TANC2: variants seen among roughly 807,000 people sequenced by gnomAD.
TANC2 encodes the protein protein TANC2.
A neutral mutation model predicts 210.5 loss-of-function variants in TANC2; 26 were observed. That is an observed-to-expected ratio of 0.12 (90% CI 0.09 to 0.17). The LOEUF is 0.17. TANC2 is among the 10% of genes least tolerant of loss of function. The pLI, the probability that TANC2 is intolerant of heterozygous loss-of-function variation, is 1.00. For missense variants in TANC2, 2,129 were observed against 2,608.9 expected, an observed-to-expected ratio of 0.82 and a Z score of 4.01; for synonymous variants, 931 against 967.1, an observed-to-expected ratio of 0.96 and a Z score of 0.69.
At chr17:62,976,970 G>A (rs745686343) in intron 1 of TANC2, among the ~76,000 whole-genome samples, 5 of 152,158 alleles carry the variant, frequency 3.3e-5, no homozygotes, top group Admixed American at 6.5e-5. Context: ...CGTTCCAGCC[G>A]ATGGAAACCA....
At chr17:63,253,484 C>CT (rs2043107166) in intron 8 of TANC2, among the ~76,000 whole-genome samples, 1 of 152,086 alleles carries the variant, frequency 6.6e-6, no homozygotes, top group Non-Finnish European at 1.5e-5. Flanking sequence ...GCTGCCTGCC[C>CT]TTTTAGGGTA....
intron 9 of TANC2, among the ~76,000 whole-genome samples, chr17:63,311,432 A>G (rs1031461783): frequency 6.0e-4 from 92 of 152,334 alleles, no homozygotes; most frequent in African/African-American, 2.1e-3. Context: ...TATATGGTAC[A>G]GGCAAAACTC....
exon 28 of TANC2, chr17:63,427,401 A>G (rs1052421182): frequency 6.6e-6 from 1 of 152,238 alleles, no homozygotes; most frequent in Non-Finnish European, 1.5e-5. Flanking sequence ...TGTACAGTAT[A>G]TTATCCAATG....
At chr17:63,357,036 A>T (rs1239705992) in intron 14 of TANC2, among the ~76,000 whole-genome samples, 1 of 152,236 alleles carries the variant, frequency 6.6e-6, no homozygotes, top group African/African-American at 2.4e-5. Context: ...AAACAATCCA[A>T]GTCCCTTCTG....
At position 62,979,085 on chromosome 17, in the gene TANC2, C is replaced by T. The variant is rs1036020641; in HGVS notation, c.-24+12336C>T. On this transcript the variant is annotated intron_variant, in intron 1 of 27. Coordinates refer to ENST00000689528, the Ensembl canonical transcript of TANC2. ...CCTTTTTTTTCATGCAGCATGTACACGTTATACCACTGTCTTCAAGCCTTT... is the reference window on the plus strand; with the variant it reads ...CCTTTTTTTTCATGCAGCATGTACATGTTATACCACTGTCTTCAAGCCTTT... Among the ~76,000 whole-genome samples, 5 of 151,872 alleles carry T rather than the reference C, an allele frequency of 3.3e-5. No homozygotes were observed. In the East Asian group the frequency reaches 5.8e-4, roughly 18 times the overall value.
chr17:63,360,765 C>G (rs1341415509), intron 14 of TANC2, among the ~76,000 whole-genome samples: 1 of 152,008 alleles, frequency 6.6e-6, no homozygotes, highest in Admixed American at 6.6e-5. Flanking sequence ...ATTAGCCATG[C>G]CCCCCCTTTC....
intron 1 of TANC2, among the ~76,000 whole-genome samples, chr17:62,975,923 A>G (rs1180682430): frequency 6.6e-6 from 1 of 152,060 alleles, no homozygotes; most frequent in Admixed American, 6.5e-5. Context: ...AGCTCCTCCC[A>G]ATTTTTTACT....
At chr17:63,309,512 T>C (rs546388390) in intron 9 of TANC2, among the ~76,000 whole-genome samples, 25 of 152,334 alleles carry the variant, frequency 1.6e-4, no homozygotes, top group Non-Finnish European at 8.8e-5. Context: ...TTTTAAAATA[T>C]GACATTAAAA....
intron 9 of TANC2, among the ~76,000 whole-genome samples, chr17:63,289,155 G>C (rs1376543646): frequency 6.6e-6 from 1 of 152,158 alleles, no homozygotes; most frequent in African/African-American, 2.4e-5. Context: ...CCTAAGTATA[G>C]CTTAGGGGGC....
chr17:63,376,784 C>G (rs903322747), intron 14 of TANC2, among the ~76,000 whole-genome samples: 1 of 149,160 alleles, frequency 6.7e-6, no homozygotes, highest in Middle Eastern at 3.5e-3. Context: ...TTCTTTCGAA[C>G]TCATAAAATC....
intron 7 of TANC2, among the ~76,000 whole-genome samples, chr17:63,202,941 A>T (rs1202658899): frequency 1.3e-5 from 2 of 152,108 alleles, no homozygotes; most frequent in East Asian, 3.8e-4. Flanking sequence ...ATCTATATGA[A>T]CACCAAATTT....
At chr17:63,208,985 G>T (rs887157694) in intron 7 of TANC2, among the ~76,000 whole-genome samples, 5 of 151,448 alleles carry the variant, frequency 3.3e-5, no homozygotes, top group South Asian at 2.1e-4. Context: ...ATTATTTATT[G>T]ATTGATTGAT....
intron 5 of TANC2, among the ~76,000 whole-genome samples, chr17:63,167,324 A>G (rs184698614): frequency 3.7e-4 from 56 of 152,318 alleles, no homozygotes; most frequent in African/African-American, 1.3e-3. Context: ...ATGATAATAT[A>G]ATGAAAAAAT....
intron 7 of TANC2, among the ~76,000 whole-genome samples, chr17:63,225,533 G>A (rs1267881014): frequency 6.6e-6 from 1 of 152,092 alleles, no homozygotes; most frequent in East Asian, 1.9e-4. Flanking sequence ...ATGCCCCATA[G>A]ACACTTCAAA....
rs187039528 is a variant in TANC2, at chr17:63,255,544, G to A, written c.1034-12204G>A. Among the ~76,000 whole-genome samples, 34 of 152,256 alleles carry A rather than the reference G, an allele frequency of 2.2e-4. No individual in the cohort carries two copies. In the East Asian group the frequency reaches 5.8e-3, roughly 26 times the overall value. On this transcript the variant is annotated intron_variant, in intron 8 of 27. Transcript: ENST00000689528. The stretch of plus-strand genomic sequence containing the variant: ...TTTCTTCATAGTTCAGTCTTGGTAA[G>A]TTGTGTATGTTGAGGAATTTATCCA...
chr17:63,296,671 G>A (rs1056068865), intron 9 of TANC2, among the ~76,000 whole-genome samples: 15 of 152,036 alleles, frequency 9.9e-5, no homozygotes, highest in African/African-American at 3.6e-4. Flanking sequence ...TGGATGAAAG[G>A]ATACCAGGAG....
intron 11 of TANC2, among the ~76,000 whole-genome samples, 162 bp downstream of exon 11, chr17:63,319,252 T>C (rs1026741469): frequency 3.9e-5 from 6 of 152,184 alleles, no homozygotes; most frequent in Non-Finnish European, 7.3e-5. Context: ...AAAAATACTT[T>C]ATTGTGATGG....
At chr17:63,185,261 T>C (rs1427191295) in intron 5 of TANC2, among the ~76,000 whole-genome samples, 3 of 152,248 alleles carry the variant, frequency 2.0e-5, no homozygotes, top group Non-Finnish European at 4.4e-5. Flanking sequence ...CGGCTAGTTT[T>C]TGTATTTTTT....
chr17:63,425,395 A>G (rs1290758144), exon 28 of TANC2: 1 of 152,216 alleles, frequency 6.6e-6, no homozygotes, highest in Non-Finnish European at 1.5e-5. Flanking sequence ...AATATTGTAT[A>G]GTAGTTTATG....
Sources: gnomAD v4.1 joint callset for allele counts (sites outside exome capture counted in the v4.1 genomes callset) on GRCh38, gnomAD v4.1.1 for gene constraint, MANE v1.5 for transcripts, NCBI Gene and HGNC (gene_info 2026-07-23, HGNC 2026-07-21) for gene names.